Variants in SSUH2 observed in about 807,000 individuals in gnomAD.
The protein encoded by SSUH2 is ssu-2 homolog.
SSUH2 carries 47 observed loss-of-function variants against 55.3 expected under a neutral mutation model. The ratio of observed to expected loss-of-function variants is 0.85; its 90% confidence interval spans 0.67 to 1.08. The LOEUF is 1.08. Among genes scored for constraint, SSUH2 ranks in the 50% least tolerant of loss-of-function variants. The probability of loss-of-function intolerance (pLI) is 0.00; values close to 1 mark genes in which losing one functional copy is unlikely to be tolerated. For synonymous variants in SSUH2, 212 were observed against 191.5 expected, an observed-to-expected ratio of 1.11 and a Z score of -0.89; for missense variants, 535 against 490.7, an observed-to-expected ratio of 1.09 and a Z score of -0.85.
At chr3:8,660,033 C>T (rs1424149539) in intron 6 of SSUH2, among the ~76,000 whole-genome samples, 2 of 152,208 alleles carry the variant, frequency 1.3e-5, no homozygotes. Flanking sequence ...TCATCCCCAT[C>T]AGCCACTGTA....
chr3:8,658,422 C>G (rs749180231), intron 7 of SSUH2, among the ~76,000 whole-genome samples: 9 of 152,230 alleles, frequency 5.9e-5, no homozygotes, highest in Non-Finnish European at 1.3e-4. Context: ...CAGCTGGTCC[C>G]CAAGGGGCAG....
intron 8 of SSUH2, 127 bp from the exon 9 acceptor site, chr3:8,626,448 C>T (rs1697547114): frequency 1.5e-6 from 1 of 679,390 alleles, no homozygotes; most frequent in South Asian, 1.8e-5. Flanking sequence ...TGTACCTGCC[C>T]ACCACCTAGT....
At chr3:8,629,095 G>A (rs1264316956) in intron 7 of SSUH2, among the ~76,000 whole-genome samples, 1 of 152,162 alleles carries the variant, frequency 6.6e-6, no homozygotes, top group Non-Finnish European at 1.5e-5. Context: ...TCTTGACCTC[G>A]TGATCTGCCC....
chr3:8,657,732 GGAGA>G (rs931200069), intron 7 of SSUH2, among the ~76,000 whole-genome samples: 1 of 152,160 alleles, frequency 6.6e-6, no homozygotes, highest in Non-Finnish European at 1.5e-5. Context: ...AAGGAGGGAG[GGAGA>G]AAGGAAGAAA....
In SSUH2 at chr3:8,678,769, C is replaced by G. The variant is rs56253318; in HGVS notation, c.-901+936G>C. ...CGCGAGGCGGGGAAAGAGAGCCAGC[C>G]CCTCTTCCCTCCCTGCCACTTAGGA... On this transcript the variant is annotated intron_variant, in intron 2 of 18. Coordinates refer to the SSUH2 transcript ENST00000317371. Among the ~76,000 whole-genome samples the G allele has an allele frequency of 6.6e-4, 69 of 105,206 alleles. 24 individuals are homozygous for G. In the Middle Eastern group the frequency reaches 0.019, roughly 29 times the overall value. 69.0% of individuals were successfully genotyped at this position (105,206 alleles called of 152,430 possible). A position where few individuals can be genotyped will look rare whatever the true frequency, so the allele number is the denominator to read the frequency against.
intron 11 of SSUH2, among the ~76,000 whole-genome samples, chr3:8,621,083 C>T (rs1324446210): frequency 6.6e-6 from 1 of 152,214 alleles, no homozygotes; most frequent in Admixed American, 6.5e-5. Flanking sequence ...CTGGCAACTA[C>T]ACTTCGTAGT....
At chr3:8,650,049 C>T (rs146470486) in intron 7 of SSUH2, among the ~76,000 whole-genome samples, 126 of 152,258 alleles carry the variant, frequency 8.3e-4, no homozygotes, top group African/African-American at 2.5e-3. Flanking sequence ...AGGGCCTTTG[C>T]ACTTGCTGTA....
chr3:8,674,047 G>C (rs1055946576), intron 3 of SSUH2, among the ~76,000 whole-genome samples: 1 of 152,232 alleles, frequency 6.6e-6, no homozygotes, highest in African/African-American at 2.4e-5. Flanking sequence ...AGCAGGCTGG[G>C]CTTGCAGGGA....
At chr3:8,628,817 G>A (rs1339006384) in intron 7 of SSUH2, among the ~76,000 whole-genome samples, 4 of 152,278 alleles carry the variant, frequency 2.6e-5, no homozygotes, top group Admixed American at 1.3e-4. Flanking sequence ...TCTGGCCTCC[G>A]GAACCGTGAT....
At chr3:8,636,516 A>T (rs758516576) in intron 1 of SSUH2, among the ~76,000 whole-genome samples, 11 of 152,052 alleles carry the variant, frequency 7.2e-5, no homozygotes, top group Non-Finnish European at 1.5e-4. Context: ...TGACCCATAA[A>T]ATCATGAGAC....
chr3:8,637,086 G>A (rs1700043444), intron 1 of SSUH2, among the ~76,000 whole-genome samples: 1 of 152,128 alleles, frequency 6.6e-6, no homozygotes, highest in South Asian at 2.1e-4. Context: ...TTGAATATGG[G>A]TCTTTTCCTA....
rs150921870 is a variant in SSUH2 at position 8,624,951 on chromosome 3, C to G, written c.873+591G>C. On this transcript the variant is annotated intron_variant, in intron 10 of 11. Transcript: ENST00000544814. Reference sequence around the variant, plus strand: ...CTCCCCAATTGCCCTGCATCCAGGTCTGTGCCCAAGGTCACTTCCACAAAG... The same window carrying G: ...CTCCCCAATTGCCCTGCATCCAGGTGTGTGCCCAAGGTCACTTCCACAAAG... 1.8e-4 allele frequency among the ~76,000 whole-genome samples: 28 copies of G among 152,272 alleles called. No individual in the cohort carries two copies. The East Asian group carries it at 5.4e-3, about 30-fold the overall frequency.
At chr3:8,620,992 G>T (rs1696314415) in intron 11 of SSUH2, among the ~76,000 whole-genome samples, 1 of 147,556 alleles carries the variant, frequency 6.8e-6, no homozygotes, top group Non-Finnish European at 1.5e-5. Context: ...GCAATATGAG[G>T]CCCTGAACAG....
At chr3:8,663,670 G>A in intron 6 of SSUH2, 1 of 378,634 alleles carries the variant, frequency 2.6e-6, no homozygotes. Flanking sequence ...TGCTAGGAAT[G>A]TGTTAATTGA....
chr3:8,662,728 T>C (rs1350597531), intron 6 of SSUH2, among the ~76,000 whole-genome samples: 2 of 152,194 alleles, frequency 1.3e-5, no homozygotes, highest in Non-Finnish European at 2.9e-5. Context: ...AGCCCTGCTT[T>C]CCCCAGGCTC....
chr3:8,633,092 G>A (rs943406625), intron 4 of SSUH2, among the ~76,000 whole-genome samples: 8 of 151,258 alleles, frequency 5.3e-5, no homozygotes, highest in Non-Finnish European at 8.8e-5. Context: ...TGTAGCATGC[G>A]TTCTATGATG....
chr3:8,679,140 C>T lies in SSUH2; in HGVS notation c.-901+565G>A, dbSNP rs1384693370. 3.2e-5 allele frequency among the ~76,000 whole-genome samples: 3 copies of T among 94,478 alleles called. 1 individual carries two copies. The highest frequency in any genetic ancestry group is 7.1e-5 in the Non-Finnish European group (3 of 42,116). The allele number at this position is 94,478 out of a possible 152,430, so 62.0% of individuals were successfully genotyped here. On this transcript the variant is annotated intron_variant, in intron 2 of 18. Coordinates refer to the SSUH2 transcript ENST00000317371. ...GGACCCAAATTGCGGGGGGGAGGCA[C>T]CCCCGCGAGGCGGGGACTGAGAGGC... is the stretch of plus-strand genomic sequence containing the variant.
chr3:8,665,068 T>C (rs925161008), intron 5 of SSUH2, among the ~76,000 whole-genome samples: 5 of 152,200 alleles, frequency 3.3e-5, no homozygotes, highest in African/African-American at 1.2e-4. Flanking sequence ...ATTTTCTGCT[T>C]CATGTTTAAC....
intron 8 of SSUH2, among the ~76,000 whole-genome samples, chr3:8,626,537 G>GCCCCCC (rs58662232): frequency 3.3e-4 from 36 of 107,616 alleles, no homozygotes; most frequent in South Asian, 7.7e-4. Context: ...TCTAGGGCCT[G>GCCCCCC]CCCCCCCCCC....
Sources: allele counts gnomAD v4.1 joint callset (sites outside exome capture counted in the v4.1 genomes callset), GRCh38; gene constraint gnomAD v4.1.1; transcripts MANE v1.5; gene names NCBI Gene and HGNC (gene_info 2026-07-23, HGNC 2026-07-21).